CAMK1D: variants seen among roughly 807,000 people sequenced by gnomAD.
CAMK1D encodes the protein calcium/calmodulin-dependent protein kinase type 1D.
In CAMK1D, 9 loss-of-function variants were observed where a neutral mutation model predicts 47.7. The ratio of observed to expected loss-of-function variants is 0.19; its 90% CI spans 0.11 to 0.33. The LOEUF is 0.33. Among genes scored for constraint, CAMK1D ranks in the 10% least tolerant of loss-of-function variants. The pLI is 1.00. For synonymous variants in CAMK1D, 184 were observed against 184.9 expected (o/e 0.99, Z 0.04); for missense variants, 291 against 488.7 (o/e 0.60, Z 3.81).
chr10:12,555,178 C>T (rs1026842212), intron 2 of CAMK1D, among the ~76,000 whole-genome samples: 2 of 152,208 alleles, frequency 1.3e-5, no homozygotes, highest in Non-Finnish European at 1.5e-5. Flanking sequence ...CAAAATGTCA[C>T]GCTCCTCACA....
chr10:12,832,960 G>C lies in CAMK1D; in HGVS notation c.*4073G>C, dbSNP rs1441721496. On this transcript the variant is annotated 3_prime_UTR_variant, in exon 11 of 11. Transcript: ENST00000619168. ...GTTTCTACTAAAAATACAAAAATTA[G>C]CTGGGCATGGTGGTGCGTGCCTGTA... 2 of 152,354 alleles carry C rather than the reference G, an allele frequency of 1.3e-5. No individual in the cohort carries two copies. Among genetic ancestry groups the C allele is most frequent in the African/African-American group, 4.8e-5 (2 of 41,436 alleles). 9.4% of individuals were successfully genotyped at this position (152,354 alleles called of 1,614,324 possible).
intron 2 of CAMK1D, among the ~76,000 whole-genome samples, chr10:12,631,403 C>T (rs1839375397): frequency 1.3e-5 from 2 of 152,216 alleles, no homozygotes; most frequent in Non-Finnish European, 2.9e-5. Context: ...TTTGGAGATG[C>T]TCCCTTAACT....
At chr10:12,399,658 C>G (rs1839101836) in intron 1 of CAMK1D, among the ~76,000 whole-genome samples, 2 of 152,132 alleles carry the variant, frequency 1.3e-5, no homozygotes, top group Non-Finnish European at 1.5e-5. Flanking sequence ...GTAAAACAAA[C>G]TATAGTGCTT....
At chr10:12,635,150 G>C in intron 2 of CAMK1D, among the ~76,000 whole-genome samples, 1 of 152,122 alleles carries the variant, frequency 6.6e-6, no homozygotes, top group East Asian at 1.9e-4. Flanking sequence ...GTGGGGTGTG[G>C]TGGAGGAGGA....
intron 1 of CAMK1D, among the ~76,000 whole-genome samples, chr10:12,515,592 C>T (rs1207928360): frequency 2.4e-5 from 2 of 83,848 alleles, no homozygotes; most frequent in African/African-American, 4.7e-5. Context: ...CCACAGTCCC[C>T]AGAGTGTGAT....
intron 3 of CAMK1D, among the ~76,000 whole-genome samples, chr10:12,733,054 C>G (rs1038199425): frequency 6.6e-6 from 1 of 152,200 alleles, no homozygotes; most frequent in African/African-American, 2.4e-5. Flanking sequence ...ACGATACATA[C>G]GATGTCACTC....
intron 2 of CAMK1D, among the ~76,000 whole-genome samples, chr10:12,567,149 G>A (rs1177950312): frequency 1.3e-5 from 2 of 152,174 alleles, no homozygotes; most frequent in Non-Finnish European, 2.9e-5. Context: ...GAAGAAACCA[G>A]TTACAGATCG....
At chr10:12,645,685 AAC>A in intron 2 of CAMK1D, among the ~76,000 whole-genome samples, 1 of 152,182 alleles carries the variant, frequency 6.6e-6, no homozygotes, top group Non-Finnish European at 1.5e-5. Flanking sequence ...CGTTCCCCAA[AAC>A]ACAAGCTGTG....
chr10:12,726,301 G>C (rs1417460767), intron 3 of CAMK1D, among the ~76,000 whole-genome samples: 2 of 151,988 alleles, frequency 1.3e-5, no homozygotes, highest in Non-Finnish European at 2.9e-5. Flanking sequence ...GCACGCACCT[G>C]TAGTCCCAGC....
intron 3 of CAMK1D, among the ~76,000 whole-genome samples, chr10:12,672,080 TA>T (rs1840638734): frequency 6.6e-6 from 1 of 151,784 alleles, no homozygotes; most frequent in Non-Finnish European, 1.5e-5. Flanking sequence ...CACGCCTGGC[TA>T]ATTTTTTGTA....
chr10:12,533,601 T>C (rs1564396093), intron 1 of CAMK1D, among the ~76,000 whole-genome samples: 1 of 152,162 alleles, frequency 6.6e-6, no homozygotes, highest in Non-Finnish European at 1.5e-5. Context: ...TGGCTCTGTG[T>C]TATCATGATC....
chr10:12,827,390 T>TTC (rs1258843702), intron 10 of CAMK1D, among the ~76,000 whole-genome samples: 3 of 140,862 alleles, frequency 2.1e-5, no homozygotes, highest in African/African-American at 5.2e-5. Context: ...TTCTTTCCCT[T>TTC]CCTTCCTTCC....
intron 4 of CAMK1D, among the ~76,000 whole-genome samples, chr10:12,763,082 G>T (rs540024868): frequency 1.3e-5 from 2 of 152,202 alleles, no homozygotes; most frequent in African/African-American, 4.8e-5. Flanking sequence ...ATTAACCTAC[G>T]TAATGCTTTT....
intron 6 of CAMK1D, 34 bp from the exon 7 acceptor site, chr10:12,814,161 G>A: frequency 7.4e-7 from 1 of 1,353,476 alleles, no homozygotes; most frequent in Non-Finnish European, 1.1e-6. Context: ...TGGTTATGCA[G>A]ATGTTCCAGC....
intron 3 of CAMK1D, among the ~76,000 whole-genome samples, chr10:12,713,036 A>G (rs113522488): frequency 3.2e-4 from 48 of 152,084 alleles, no homozygotes; most frequent in African/African-American, 1.2e-3. Flanking sequence ...CATGGTACCT[A>G]TTTCAGATCT....
intron 3 of CAMK1D, among the ~76,000 whole-genome samples, chr10:12,722,162 G>A (rs923234330): frequency 1.3e-5 from 2 of 152,102 alleles, no homozygotes; most frequent in African/African-American, 2.4e-5. Context: ...GATAACTCCA[G>A]GCTGGGCGCG....
chr10:12,790,243 G>A (rs1182483131), intron 5 of CAMK1D, among the ~76,000 whole-genome samples: 2 of 152,260 alleles, frequency 1.3e-5, no homozygotes, highest in African/African-American at 2.4e-5. Context: ...ATGGGAAAAT[G>A]CAATGAGCAT....
At position 12,687,553 on chromosome 10, in the gene CAMK1D, T is replaced by C. The variant is rs371774761; in HGVS notation, c.299+20743T>C. 5.3e-5 allele frequency among the ~76,000 whole-genome samples: 8 copies of C among 152,278 alleles called. No homozygotes were observed. In the East Asian group the frequency reaches 7.7e-4, roughly 15 times the overall value. On this transcript the variant is annotated intron_variant, in intron 3 of 10. Coordinates refer to ENST00000619168, the MANE Select transcript of CAMK1D (RefSeq NM_153498.4). ...CGTCTAAATTCTAACTAAATTATATTCTCACATGAGCAAATCTTGAAACCA... is the reference window on the plus strand; with the variant it reads ...CGTCTAAATTCTAACTAAATTATATCCTCACATGAGCAAATCTTGAAACCA...
intron 1 of CAMK1D, among the ~76,000 whole-genome samples, chr10:12,366,354 C>G (rs573329331): frequency 6.6e-6 from 1 of 152,140 alleles, no homozygotes; most frequent in East Asian, 1.9e-4. Context: ...ATAAAGAAGA[C>G]AGTAAGAATC....
Sources: gnomAD v4.1 joint callset for allele counts (sites outside exome capture counted in the v4.1 genomes callset) on GRCh38, gnomAD v4.1.1 for gene constraint, MANE v1.5 for transcripts, NCBI Gene and HGNC (gene_info 2026-07-23, HGNC 2026-07-21) for gene names.